Variants in STK39 observed in about 807,000 individuals in gnomAD.
STK39 encodes serine/threonine kinase 39.
A neutral mutation model predicts 77.8 loss-of-function variants in STK39; 20 were observed. The ratio of observed to expected loss-of-function variants is 0.26; its 90% CI spans 0.18 to 0.37. The LOEUF (loss-of-function observed/expected upper bound fraction) is 0.37, where lower values mean the gene tolerates loss of function less well. Ranked by LOEUF, STK39 falls within the 10% of genes least tolerant of loss-of-function variation. The pLI is 1.00. For missense variants in STK39, 479 were observed against 656.5 expected (o/e 0.73, Z 2.95); for synonymous variants, 246 against 234.1 (o/e 1.05, Z -0.47).
At chr2:168,179,764 A>C (rs1689039216) in intron 2 of STK39, among the ~76,000 whole-genome samples, 1 of 152,154 alleles carries the variant, frequency 6.6e-6, no homozygotes, top group Admixed American at 6.5e-5. Flanking sequence ...TACTGGTTCC[A>C]GGAAAACAAA....
chr2:168,158,660 C>G (rs1688495380), intron 5 of STK39, among the ~76,000 whole-genome samples: 1 of 152,174 alleles, frequency 6.6e-6, no homozygotes, highest in African/African-American at 2.4e-5. Context: ...CAAAGCATGG[C>G]TACACCGCTT....
At chr2:168,138,329 G>A (rs1687890611) in intron 7 of STK39, 108 bp from the exon 8 acceptor site, 4 of 1,396,402 alleles carry the variant, frequency 2.9e-6, no homozygotes, top group African/African-American at 1.5e-5. Context: ...TAGATACAAA[G>A]TGCTTTCCCA....
chr2:168,088,490 G>C (rs1686430645), intron 10 of STK39, among the ~76,000 whole-genome samples: 1 of 152,178 alleles, frequency 6.6e-6, no homozygotes, highest in South Asian at 2.1e-4. Flanking sequence ...TTGCTATCCT[G>C]TCCCCCAGCA....
At chr2:168,236,342 T>C (rs1345137891) in intron 1 of STK39, among the ~76,000 whole-genome samples, 2 of 152,240 alleles carry the variant, frequency 1.3e-5, no homozygotes, top group Admixed American at 6.5e-5. Context: ...TTGTAGATTC[T>C]GGATATTAGC....
At chr2:168,109,324 T>G (rs1180870701) in intron 10 of STK39, among the ~76,000 whole-genome samples, 1 of 152,222 alleles carries the variant, frequency 6.6e-6, no homozygotes, top group Non-Finnish European at 1.5e-5. Flanking sequence ...TGTTATTTTT[T>G]AGCTTTACAA....
At chr2:168,175,609 C>T (rs1344707269) in intron 2 of STK39, among the ~76,000 whole-genome samples, 1 of 152,136 alleles carries the variant, frequency 6.6e-6, no homozygotes. Flanking sequence ...TAAGCTAATA[C>T]AACTTTAGTG....
chr2:168,151,428 C>T (rs956944278), intron 5 of STK39, among the ~76,000 whole-genome samples: 1 of 152,070 alleles, frequency 6.6e-6, no homozygotes, highest in Admixed American at 6.6e-5. Context: ...AATCAATTCA[C>T]GATAGAAAAA....
intron 1 of STK39, among the ~76,000 whole-genome samples, chr2:168,213,025 G>A (rs1197192745): frequency 1.3e-5 from 2 of 152,226 alleles, no homozygotes; most frequent in South Asian, 2.1e-4. Flanking sequence ...CATTCATCCT[G>A]TTGGATGTGT....
chr2:168,027,411 A>T (rs1274482377), intron 14 of STK39, among the ~76,000 whole-genome samples: 1 of 152,218 alleles, frequency 6.6e-6, no homozygotes, highest in Non-Finnish European at 1.5e-5. Context: ...CACGTGCAGA[A>T]ATATGCCCCT....
At chr2:168,063,631 C>T in intron 13 of STK39, 61 bp from the exon 14 acceptor site, 2 of 1,433,820 alleles carry the variant, frequency 1.4e-6, no homozygotes, top group Non-Finnish European at 1.9e-6. Context: ...TGAATAAAAT[C>T]ACAATATCAC....
At chr2:168,051,392 C>T (rs1006076916) in intron 14 of STK39, among the ~76,000 whole-genome samples, 2 of 152,066 alleles carry the variant, frequency 1.3e-5, no homozygotes, top group African/African-American at 4.8e-5. Flanking sequence ...GACTTAAATG[C>T]CACCAAAAAA....
intron 14 of STK39, among the ~76,000 whole-genome samples, chr2:168,062,282 C>T (rs1685684932): frequency 1.3e-5 from 2 of 152,174 alleles, no homozygotes; most frequent in South Asian, 4.2e-4. Context: ...TAAATACGGG[C>T]TGAATTAATG....
intron 1 of STK39, among the ~76,000 whole-genome samples, chr2:168,223,330 T>C (rs1316887137): frequency 6.6e-6 from 1 of 151,782 alleles, no homozygotes; most frequent in African/African-American, 2.4e-5. Flanking sequence ...GCCAACATGG[T>C]GAAACCCCGT....
chr2:167,964,433 A>G (rs985405657), intron 17 of STK39: 1 of 466,148 alleles, frequency 2.1e-6, no homozygotes, highest in Non-Finnish European at 3.8e-6. Flanking sequence ...CTCTTAGTCA[A>G]AGGTGTGACG....
intron 15 of STK39, among the ~76,000 whole-genome samples, chr2:168,014,626 T>C (rs1684360969): frequency 6.6e-6 from 1 of 152,188 alleles, no homozygotes; most frequent in South Asian, 2.1e-4. Flanking sequence ...GTCTCATAAC[T>C]GGCATCTTCC....
intron 16 of STK39, among the ~76,000 whole-genome samples, chr2:167,980,256 T>C (rs1683379591): frequency 6.6e-6 from 1 of 152,198 alleles, no homozygotes; most frequent in Admixed American, 6.5e-5. Flanking sequence ...TCTTGTCACA[T>C]GAACCATGTG....
intron 16 of STK39, among the ~76,000 whole-genome samples, chr2:167,972,746 A>G (rs912710382): frequency 3.3e-5 from 5 of 152,220 alleles, no homozygotes; most frequent in African/African-American, 1.2e-4. Context: ...AAGCTTTAAC[A>G]GCCTGGGACT....
chr2:168,040,299 C>T (rs188519739), intron 14 of STK39, among the ~76,000 whole-genome samples: 4 of 151,790 alleles, frequency 2.6e-5, no homozygotes, highest in East Asian at 1.9e-4. Flanking sequence ...AACAAGGATG[C>T]CAAAAAAATT....
At chr2:168,140,611 C>T in intron 6 of STK39, 38 bp downstream of exon 6, 5 of 1,490,072 alleles carry the variant, frequency 3.4e-6, no homozygotes, top group Non-Finnish European at 4.6e-6. Flanking sequence ...TACGATTGTA[C>T]TATGTCCATC....
Sources: gnomAD v4.1 joint callset for allele counts (sites outside exome capture counted in the v4.1 genomes callset) on GRCh38, gnomAD v4.1.1 for gene constraint, MANE v1.5 for transcripts, NCBI Gene and HGNC (gene_info 2026-07-23, HGNC 2026-07-21) for gene names.